Variants in RPTOR observed in about 807,000 individuals in gnomAD.
The protein encoded by RPTOR is regulatory associated protein of MTOR complex 1.
RPTOR carries 21 observed loss-of-function variants against 169.9 expected under a neutral mutation model. That is an observed-to-expected ratio of 0.12 (90% CI 0.09 to 0.18). The LOEUF (loss-of-function observed/expected upper bound fraction) is 0.18. Among genes scored for constraint, RPTOR ranks in the 10% least tolerant of loss-of-function variants. The pLI is 1.00. For missense variants in RPTOR, 1,133 were observed against 1,855.9 expected (o/e 0.61, Z 7.16); for synonymous variants, 732 against 753.2 (o/e 0.97, Z 0.46).
intron 20 of RPTOR, among the ~76,000 whole-genome samples, chr17:80,896,405 CAG>C (rs2068401897): frequency 6.4e-5 from 2 of 31,128 alleles, no homozygotes; most frequent in African/African-American, 1.4e-4. Context: ...CCCACGGCCG[CAG>C]CAACACCCCA....
At chr17:80,791,983 C>T (rs569056469) in intron 7 of RPTOR, among the ~76,000 whole-genome samples, 21 of 152,252 alleles carry the variant, frequency 1.4e-4, no homozygotes, top group Admixed American at 3.3e-4. Flanking sequence ...GATGAAGTGA[C>T]GGGATTTAGT....
At chr17:80,614,962 G>A (rs2065298283) in intron 1 of RPTOR, among the ~76,000 whole-genome samples, 1 of 152,110 alleles carries the variant, frequency 6.6e-6, no homozygotes, top group Admixed American at 6.6e-5. Flanking sequence ...CTTGTCCTGC[G>A]GTAATTCCTC....
intron 3 of RPTOR, among the ~76,000 whole-genome samples, chr17:80,685,497 C>T (rs1013438085): frequency 1.3e-5 from 2 of 148,240 alleles, no homozygotes; most frequent in African/African-American, 5.0e-5. Flanking sequence ...TTAACTTGAA[C>T]TCCTGGGGTC....
chr17:80,893,570 G>T (rs1163417299), intron 19 of RPTOR, 137 bp from the exon 20 acceptor site: 8 of 1,070,628 alleles, frequency 7.5e-6, no homozygotes, highest in Non-Finnish European at 1.1e-5. Context: ...CAGGGTGTGT[G>T]TGTACCAGGG....
chr17:80,843,136 C>A lies in RPTOR; in HGVS notation c.1213-3337C>A, dbSNP rs535504574. Among the ~76,000 whole-genome samples the A allele has an allele frequency of 2.6e-5, 4 of 152,294 alleles. No individual in the cohort carries two copies. In the South Asian group the frequency reaches 8.3e-4, roughly 32 times the overall value. On this transcript the variant is annotated intron_variant, in intron 10 of 33. Coordinates refer to ENST00000306801, the MANE Select transcript of RPTOR (RefSeq NM_020761.3). ...CAGTGTGTTAATTTCTGCAAAGAAC[C>A]TGCTGGATTTTTGTTGAGATTACAG...
At chr17:80,961,805 G>A in intron 31 of RPTOR, 1 of 330,440 alleles carries the variant, frequency 3.0e-6, no homozygotes, top group Admixed American at 4.5e-5. Context: ...CGGCGCGTCT[G>A]CCAGGCACGT....
At position 80,798,046 on chromosome 17, in the gene RPTOR, C is replaced by A. The variant is rs535694703; in HGVS notation, c.890+6537C>A. Among the ~76,000 whole-genome samples, 3 of 152,330 alleles carry A rather than the reference C, an allele frequency of 2.0e-5. No individual in the cohort carries two copies. The South Asian group carries it at 6.2e-4, about 32-fold the overall frequency. On this transcript the variant is annotated intron_variant, in intron 7 of 33. Coordinates refer to ENST00000306801, the MANE Select transcript of RPTOR (RefSeq NM_020761.3). ...TATTTCCCTTCACTGAACATGTCAG[C>A]CATGTTTGTGATGTTCTTGTGTGTC... is the stretch of plus-strand genomic sequence containing the variant.
chr17:80,623,510 C>T (rs2065370552), intron 1 of RPTOR, among the ~76,000 whole-genome samples: 1 of 152,016 alleles, frequency 6.6e-6, no homozygotes, highest in Non-Finnish European at 1.5e-5. Flanking sequence ...AGATACCTAT[C>T]ACCTTAAATA....
At chr17:80,753,936 C>T in intron 5 of RPTOR, 74 bp from the exon 6 acceptor site, 1 of 1,322,590 alleles carries the variant, frequency 7.6e-7, no homozygotes, top group Admixed American at 1.8e-5. Context: ...TTCTGTGTTA[C>T]AGCTGCAGCT....
Position 80,646,469 on chromosome 17 carries a change from T to A in RPTOR, c.348+2659T>A, listed in dbSNP as rs1599632124. On this transcript the variant is annotated intron_variant, in intron 3 of 33. Transcript: ENST00000306801. This position sits in a 1 kb window ranked among gnomAD's most constrained non-coding sequence, Gnocchi z 5.0. ...CAGAGGGAGGGAGGCCTGGCATAGATAGCGTGGCTCTCAGTGTGGGGCAGA... is the reference window on the plus strand; with the variant it reads ...CAGAGGGAGGGAGGCCTGGCATAGAAAGCGTGGCTCTCAGTGTGGGGCAGA... Among the ~76,000 whole-genome samples the A allele has an allele frequency of 6.6e-6, 1 of 152,180 alleles. No homozygotes were observed. Among genetic ancestry groups the A allele is most frequent in the Admixed American group, 6.5e-5 (1 of 15,290 alleles).
intron 1 of RPTOR, among the ~76,000 whole-genome samples, chr17:80,588,267 A>G (rs971606496): frequency 6.6e-6 from 1 of 151,760 alleles, no homozygotes; most frequent in Non-Finnish European, 1.5e-5. Context: ...GGGTCAGGCA[A>G]TTCTCCTGCC....
chr17:80,937,996 C>A (rs902069685), intron 24 of RPTOR, among the ~76,000 whole-genome samples: 4 of 152,224 alleles, frequency 2.6e-5, no homozygotes. Context: ...TCTTCCCAGC[C>A]CAGCAAGGGC....
At chr17:80,613,598 C>T (rs2065286782) in intron 1 of RPTOR, among the ~76,000 whole-genome samples, 1 of 152,066 alleles carries the variant, frequency 6.6e-6, no homozygotes, top group African/African-American at 2.4e-5. Context: ...TCGGGCTGGG[C>T]TGTGTGTTGT....
intron 21 of RPTOR, among the ~76,000 whole-genome samples, chr17:80,915,076 G>A (rs953514009): frequency 3.9e-5 from 6 of 152,230 alleles, no homozygotes; most frequent in Admixed American, 3.3e-4. Context: ...ACCCATGCCG[G>A]GGTCTCCTCT....
At chr17:80,634,478 ACT>A (rs1311913120) in intron 2 of RPTOR, among the ~76,000 whole-genome samples, 1 of 81,338 alleles carries the variant, frequency 1.2e-5, no homozygotes, top group Non-Finnish European at 2.3e-5. Flanking sequence ...GCGTGTGCAT[ACT>A]GTGTGTGCAT....
intron 1 of RPTOR, among the ~76,000 whole-genome samples, chr17:80,598,977 G>A (rs2065166247): frequency 6.6e-6 from 1 of 151,684 alleles, no homozygotes; most frequent in Non-Finnish European, 1.5e-5. Context: ...ATGCAGTGTT[G>A]TGATCACTGC....
At chr17:80,884,786 C>T (rs2068225538) in intron 16 of RPTOR, among the ~76,000 whole-genome samples, 1 of 152,236 alleles carries the variant, frequency 6.6e-6, no homozygotes, top group African/African-American at 2.4e-5. Context: ...CAGCTCCCGC[C>T]TCTGCAGTCT....
chr17:80,951,888 G>T (rs1281742136), intron 28 of RPTOR, among the ~76,000 whole-genome samples: 1 of 152,210 alleles, frequency 6.6e-6, no homozygotes, highest in East Asian at 1.9e-4. Flanking sequence ...CCTTTACAGA[G>T]GTGATTAAGG....
At chr17:80,703,146 G>C (rs1406794015) in intron 3 of RPTOR, among the ~76,000 whole-genome samples, 1 of 152,114 alleles carries the variant, frequency 6.6e-6, no homozygotes, top group Non-Finnish European at 1.5e-5. Context: ...CACTATGCAT[G>C]GGGGATTTCT....
Sources: allele counts gnomAD v4.1 joint callset (sites outside exome capture counted in the v4.1 genomes callset), GRCh38; gene constraint gnomAD v4.1.1; non-coding constraint Gnocchi (gnomAD v3.1); transcripts MANE v1.5; gene names NCBI Gene and HGNC (gene_info 2026-07-23, HGNC 2026-07-21).